Variants in RANBP2 observed in about 807,000 individuals in gnomAD.
RANBP2 encodes the protein RAN binding protein 2, also known as E3 SUMO-protein ligase RanBP2.
A neutral mutation model predicts 303.6 loss-of-function variants in RANBP2; 57 were observed. The ratio of observed to expected loss-of-function variants is 0.19; its 90% CI spans 0.15 to 0.23. The LOEUF is 0.23. Among genes scored for constraint, RANBP2 ranks in the 10% least tolerant of loss-of-function variants. The pLI, the probability that RANBP2 is intolerant of heterozygous loss-of-function variation, is 1.00. For missense variants in RANBP2, 3,138 were observed against 3,780.8 expected (o/e 0.83, Z 4.46); for synonymous variants, 1,167 against 1,301.5 (o/e 0.90, Z 2.23).
chr2:109,390,472 C>G, the RANBP2 span, among the ~76,000 whole-genome samples: 780 of 152,080 alleles, frequency 5.1e-3, 5 homozygotes, highest in African/African-American at 0.018. Context: ...TTCCTTCTGG[C>G]AGGTCTTAAT....
chr2:109,106,273 G>T, the RANBP2 span, among the ~76,000 whole-genome samples: 1 of 152,072 alleles, frequency 6.6e-6, no homozygotes, highest in East Asian at 1.9e-4. Flanking sequence ...GGCAAGAATC[G>T]AGTTGCTGCA....
At chr2:109,229,532 A>G in the RANBP2 span, among the ~76,000 whole-genome samples, 1 of 152,028 alleles carries the variant, frequency 6.6e-6, no homozygotes, top group Non-Finnish European at 1.5e-5. Context: ...TGAGAGCCCG[A>G]TACGGGAGGG....
At chr2:109,109,375 G>T in the RANBP2 span, among the ~76,000 whole-genome samples, 1 of 152,192 alleles carries the variant, frequency 6.6e-6, no homozygotes, top group Admixed American at 6.5e-5. Context: ...AGCCGACCTG[G>T]GGAGACTCAG....
the RANBP2 span, among the ~76,000 whole-genome samples, chr2:109,370,119 G>A: frequency 4.6e-5 from 7 of 152,208 alleles, no homozygotes; most frequent in Admixed American, 6.5e-5. Flanking sequence ...GGATGGTTCC[G>A]GAGAAGGGAA....
At chr2:109,496,524 T>C in the RANBP2 span, among the ~76,000 whole-genome samples, 1 of 152,196 alleles carries the variant, frequency 6.6e-6, no homozygotes, top group East Asian at 1.9e-4. Context: ...TCTATGATAA[T>C]AGTAAGTCAG....
the RANBP2 span, among the ~76,000 whole-genome samples, chr2:109,281,648 T>C: frequency 6.6e-6 from 1 of 152,212 alleles, no homozygotes; most frequent in East Asian, 1.9e-4. Context: ...TATAAGTGTT[T>C]AGAGTGAGCA....
At chr2:109,420,832 ACACT>A in the RANBP2 span, among the ~76,000 whole-genome samples, 1 of 152,232 alleles carries the variant, frequency 6.6e-6, no homozygotes, top group South Asian at 2.1e-4. Context: ...CTGCTGGCAC[ACACT>A]CACCCACCTC....
chr2:108,856,798 T>C, the RANBP2 span: 2 of 1,612,536 alleles, frequency 1.2e-6, no homozygotes, highest in East Asian at 2.2e-5. Flanking sequence ...TTCCAGCTGA[T>C]TACCTGGCTC....
At chr2:108,730,404 T>G (rs980736083) in intron 2 of RANBP2, among the ~76,000 whole-genome samples, 1 of 151,970 alleles carries the variant, frequency 6.6e-6, no homozygotes, top group African/African-American at 2.4e-5. Flanking sequence ...TTTTGCATTA[T>G]GATAACTTTA....
chr2:109,544,286 T>C, the RANBP2 span: 13 of 1,611,442 alleles, frequency 8.1e-6, no homozygotes, highest in Non-Finnish European at 1.0e-5. Context: ...GATGATGACC[T>C]TCTGTGCTCT....
the RANBP2 span, among the ~76,000 whole-genome samples, chr2:109,259,531 C>G: frequency 6.6e-6 from 1 of 152,196 alleles, no homozygotes; most frequent in Non-Finnish European, 1.5e-5. Context: ...CGGGGCCCTT[C>G]ATGCCTTAAC....
At chr2:109,418,283 C>T in the RANBP2 span, among the ~76,000 whole-genome samples, 1 of 152,172 alleles carries the variant, frequency 6.6e-6, no homozygotes, top group South Asian at 2.1e-4. Flanking sequence ...CCTCCAGGCT[C>T]CCTGACAGCC....
the RANBP2 span, among the ~76,000 whole-genome samples, chr2:108,804,413 A>G: frequency 1.3e-5 from 2 of 152,210 alleles, no homozygotes; most frequent in African/African-American, 2.4e-5. Context: ...GCAGGCATCA[A>G]AAATTTTAGC....
the RANBP2 span, among the ~76,000 whole-genome samples, chr2:109,629,238 A>ATAAATAAT: frequency 6.9e-6 from 1 of 145,956 alleles, no homozygotes; most frequent in Admixed American, 7.0e-5. Flanking sequence ...AAATAAATAA[A>ATAAATAAT]ATGCTTAACT....
chr2:108,839,592 A>G, the RANBP2 span, among the ~76,000 whole-genome samples: 2 of 152,086 alleles, frequency 1.3e-5, no homozygotes, highest in Non-Finnish European at 2.9e-5. Context: ...AAATTGCTGC[A>G]TTCTTGTTTA....
At chr2:109,272,803 C>T in the RANBP2 span, among the ~76,000 whole-genome samples, 1 of 152,200 alleles carries the variant, frequency 6.6e-6, no homozygotes, top group Non-Finnish European at 1.5e-5. Flanking sequence ...CCCGGTACTG[C>T]CGCACACGCA....
the RANBP2 span, among the ~76,000 whole-genome samples, chr2:109,055,355 T>G: frequency 8.1e-6 from 1 of 123,714 alleles, no homozygotes; most frequent in Non-Finnish European, 1.6e-5. Flanking sequence ...GCCTTTTCTA[T>G]TTTTTCTTTT....
At chr2:109,008,250 T>C in the RANBP2 span, among the ~76,000 whole-genome samples, 1 of 152,174 alleles carries the variant, frequency 6.6e-6, no homozygotes, top group African/African-American at 2.4e-5. Flanking sequence ...GAGGTCAGGA[T>C]AGATCTGAGC....
the RANBP2 span, among the ~76,000 whole-genome samples, chr2:109,258,976 C>G: frequency 6.6e-6 from 1 of 152,216 alleles, no homozygotes; most frequent in Non-Finnish European, 1.5e-5. Flanking sequence ...CATCCGCATG[C>G]CCTCTCTAGC....
Sources: allele counts gnomAD v4.1 joint callset (sites outside exome capture counted in the v4.1 genomes callset), GRCh38; gene constraint gnomAD v4.1.1; transcripts MANE v1.5; gene names NCBI Gene and HGNC (gene_info 2026-07-23, HGNC 2026-07-21).